MLXIPL: variants seen among roughly 807,000 people sequenced by gnomAD.
The protein encoded by MLXIPL is carbohydrate-responsive element-binding protein.
In MLXIPL, 49 loss-of-function variants were observed where a neutral mutation model predicts 81.5. That is an observed-to-expected ratio of 0.60 (90% CI 0.48 to 0.76). MLXIPL has a LOEUF of 0.76. MLXIPL is among the 30% of genes least tolerant of loss of function. MLXIPL has a pLI of 0.00. For missense variants in MLXIPL, 1,053 were observed against 1,167.0 expected, an observed-to-expected ratio of 0.90 and a Z score of 1.42; for synonymous variants, 466 against 485.5, an observed-to-expected ratio of 0.96 and a Z score of 0.53.
chr7:73,627,513 T>A (rs1796771986), upstream of MLXIPL, among the ~76,000 whole-genome samples: 1 of 152,042 alleles, frequency 6.6e-6, no homozygotes, highest in Non-Finnish European at 1.5e-5. Flanking sequence ...CCTCCCAAAG[T>A]GCTGGTATTA....
chr7:73,594,184 C>T (rs1168323461), intron 16 of MLXIPL, 90 bp downstream of exon 16: 8 of 1,589,200 alleles, frequency 5.0e-6, no homozygotes, highest in Non-Finnish European at 5.1e-6. Context: ...GTGTTGATGG[C>T]AAGCTGGATG....
chr7:73,607,853 CTTTTTTTT>C (rs1166806013), intron 2 of MLXIPL, among the ~76,000 whole-genome samples, 181 bp from the exon 3 acceptor site: 3 of 110,360 alleles, frequency 2.7e-5, no homozygotes, highest in South Asian at 5.6e-4. Flanking sequence ...CTAGATCTTC[CTTTTTTTT>C]TTTTTTTTTT....
chr7:73,607,186 C>T (rs1554598465), intron 4 of MLXIPL, 145 bp downstream of exon 4: 11 of 1,242,712 alleles, frequency 8.9e-6, no homozygotes, highest in South Asian at 1.3e-5. Context: ...CACACGGTGG[C>T]GCTGTCGGCC....
At chr7:73,597,874 T>C (rs1242870723) in intron 8 of MLXIPL, among the ~76,000 whole-genome samples, 161 bp from the exon 9 acceptor site, 1 of 152,036 alleles carries the variant, frequency 6.6e-6, no homozygotes, top group Non-Finnish European at 1.5e-5. Context: ...CACACAGGTG[T>C]GCGAACATAT....
At chr7:73,612,118 G>T (rs1795725056) in intron 2 of MLXIPL, among the ~76,000 whole-genome samples, 1 of 152,070 alleles carries the variant, frequency 6.6e-6, no homozygotes, top group South Asian at 2.1e-4. Flanking sequence ...TTGAGGCCAG[G>T]AGTTTGAGAC....
At chr7:73,624,537 G>C (rs1390282431), upstream of MLXIPL, 24 of 1,494,952 alleles carry the variant, frequency 1.6e-5, no homozygotes, top group Admixed American at 2.2e-5. Context: ...CGCGCAGCGC[G>C]GGGAACAGCT....
rs781834346 is a variant in MLXIPL at position 73,596,379 on chromosome 7, A to G, written c.1923T>C (p.Arg641=). 4.3e-6 allele frequency: 7 copies of G among 1,611,316 alleles called. No individual in the cohort carries two copies. The African/African-American group carries it at 9.5e-5, about 22-fold the overall frequency. Reference sequence around the variant, plus strand: ...TGGTGCCCACCTTGTTGCTGTCTGGACGGCCCCGGCTGAGGATGGGTTGCG... The same window carrying G: ...TGGTGCCCACCTTGTTGCTGTCTGGGCGGCCCCGGCTGAGGATGGGTTGCG... ...SPPQPILSRG[R]PDSNKTENRR... Residue 641 remains arginine (R), a synonymous_variant, in exon 12 of 17, where the codon CGT becomes CGC. Transcript: ENST00000313375. The surrounding 1 kb of genome is among the most constrained non-coding windows in gnomAD (Gnocchi z 4.7).
the MLXIPL span, among the ~76,000 whole-genome samples, chr7:73,632,030 C>T: frequency 6.6e-6 from 1 of 151,084 alleles, no homozygotes; most frequent in Non-Finnish European, 1.5e-5. Flanking sequence ...CCCTCAGTCA[C>T]CTAGGTTGCT....
chr7:73,616,848 CAAAAAAAAAA>C (rs35467108), intron 1 of MLXIPL, among the ~76,000 whole-genome samples: 2 of 51,636 alleles, frequency 3.9e-5, no homozygotes, highest in Non-Finnish European at 7.5e-5. Context: ...AACTCCGTCT[CAAAAAAAAAA>C]AAAAAAAAAA....
chr7:73,615,345 C>A (rs1419288490), intron 2 of MLXIPL, among the ~76,000 whole-genome samples: 1 of 152,130 alleles, frequency 6.6e-6, no homozygotes, highest in African/African-American at 2.4e-5. Context: ...CATGCGGGAT[C>A]CTCAGTTTCT....
intron 16 of MLXIPL, 21 bp downstream of exon 16, chr7:73,594,253 G>T (rs1554592866): frequency 1.2e-6 from 2 of 1,611,098 alleles, no homozygotes; most frequent in African/African-American, 1.3e-5. Flanking sequence ...CCTCTAGCAG[G>T]CAGGGAGATG....
chr7:73,596,627 C>T lies in MLXIPL; in HGVS notation c.1822+12G>A. ...CCTAGATTCCCCCAATCCCTGCAACCCCTCTCTTTACCGCTGGGCGCTGGG... is the reference window on the plus strand; with the variant it reads ...CCTAGATTCCCCCAATCCCTGCAACTCCTCTCTTTACCGCTGGGCGCTGGG... On this transcript the variant is annotated intron_variant, in intron 11 of 16. Coordinates refer to ENST00000313375, the MANE Select transcript of MLXIPL (RefSeq NM_032951.3). The surrounding 1 kb of genome is among the most constrained non-coding windows in gnomAD (Gnocchi z 4.7). 1 of 1,602,532 alleles carries T rather than the reference C, an allele frequency of 6.2e-7. No individual in the cohort carries two copies. Among genetic ancestry groups the T allele is most frequent in the Middle Eastern group, 1.7e-4 (1 of 6,018 alleles).
intron 7 of MLXIPL, among the ~76,000 whole-genome samples, chr7:73,599,936 T>C (rs1259041950): frequency 6.6e-6 from 1 of 151,900 alleles, no homozygotes; most frequent in Non-Finnish European, 1.5e-5. Context: ...GGACTGTGGA[T>C]GTGAACAGGG....
At chr7:73,607,098 C>T in intron 4 of MLXIPL, 80 bp from the exon 5 acceptor site, 5 of 1,541,072 alleles carry the variant, frequency 3.2e-6, no homozygotes, top group Non-Finnish European at 4.4e-6. Context: ...CCTCTACTCA[C>T]AAGCGATGAG....
At chr7:73,599,871 T>A (rs1157679884) in intron 7 of MLXIPL, among the ~76,000 whole-genome samples, 176 bp from the exon 8 acceptor site, 1 of 151,534 alleles carries the variant, frequency 6.6e-6, no homozygotes, top group African/African-American at 2.4e-5. Flanking sequence ...TCTGTCTCGA[T>A]TAGGGGAAGC....
rs560170515 is a variant in MLXIPL at position 73,601,570 on chromosome 7, A to G, written c.902-1875T>C. ...AAGTTAGCCACCGTGCCTTGCTGTC[A>G]CCCAGGTTGGAATGCGGTGGCACCA... On this transcript the variant is annotated intron_variant, in intron 7 of 16. Transcript: ENST00000313375. Among the ~76,000 whole-genome samples, 5 of 152,154 alleles carry G rather than the reference A, an allele frequency of 3.3e-5. No individual in the cohort carries two copies. The South Asian group carries it at 1.0e-3, about 32-fold the overall frequency.
At chr7:73,595,805 GC>G in intron 14 of MLXIPL, 36 bp downstream of exon 14, 1 of 1,583,538 alleles carries the variant, frequency 6.3e-7, no homozygotes, top group Admixed American at 1.8e-5. Context: ...AGGCGGCATG[GC>G]CCCCTGGTCC....
the MLXIPL span, among the ~76,000 whole-genome samples, chr7:73,633,437 T>C: frequency 2.0e-5 from 3 of 151,436 alleles, no homozygotes; most frequent in Admixed American, 6.6e-5. Flanking sequence ...CTTGACCTCC[T>C]TGGGCTCAAG....
Position 73,623,250 on chromosome 7 carries a change from G to GGC in MLXIPL, c.293+948_293+949dup, listed in dbSNP as rs1446227845. On this transcript the variant is annotated intron_variant, in intron 1 of 16. Coordinates refer to ENST00000313375, the MANE Select transcript of MLXIPL (RefSeq NM_032951.3). The surrounding 1 kb of genome is among the most constrained non-coding windows in gnomAD (Gnocchi z 5.7). Reference sequence around the variant, plus strand: ...GCCAGCGGTTCTCAGAAGGGGAGGAGGCGCCGCGGAGGAAGAGGAATATTT... The same window carrying GGC: ...GCCAGCGGTTCTCAGAAGGGGAGGAGGCGCGCCGCGGAGGAAGAGGAATATTT... 1.3e-5 allele frequency among the ~76,000 whole-genome samples: 2 copies of GGC among 152,254 alleles called. No individual in the cohort carries two copies. The highest frequency in any genetic ancestry group is 4.8e-5 in the African/African-American group (2 of 41,472).
Sources: gnomAD v4.1 joint callset for allele counts (sites outside exome capture counted in the v4.1 genomes callset) on GRCh38, gnomAD v4.1.1 for gene constraint, Gnocchi (gnomAD v3.1) non-coding constraint, MANE v1.5 for transcripts, NCBI Gene and HGNC (gene_info 2026-07-23, HGNC 2026-07-21) for gene names.